The following SANBR variants were observed in gnomAD, a reference collection of about 807,000 sequenced individuals.
The protein encoded by SANBR is SANT and BTB domain regulator of CSR.
In SANBR, 77 loss-of-function variants were observed where a neutral mutation model predicts 101.8. That is an observed-to-expected ratio of 0.76 (90% CI 0.63 to 0.91). The LOEUF (loss-of-function observed/expected upper bound fraction) is 0.91, where lower values mean the gene tolerates loss of function less well. Among genes scored for constraint, SANBR ranks in the 40% least tolerant of loss-of-function variants. The probability of loss-of-function intolerance (pLI) is 0.00; values close to 1 mark genes in which losing one functional copy is unlikely to be tolerated. For missense variants in SANBR, 875 were observed against 853.0 expected (o/e 1.03, Z -0.32); for synonymous variants, 279 against 274.7 (o/e 1.02, Z -0.15).
chr2:61,097,590 TC>T, intron 11 of SANBR, 109 bp from the exon 12 acceptor site: 1 of 851,402 alleles, frequency 1.2e-6, no homozygotes, highest in Admixed American at 2.6e-5. Flanking sequence ...ATTGGCTTTT[TC>T]TGCATATTTC....
chr2:61,088,866 C>T, intron 10 of SANBR: 1 of 962,238 alleles, frequency 1.0e-6, no homozygotes, highest in Non-Finnish European at 1.2e-6. Flanking sequence ...AAAAATATAA[C>T]TACTTTTATA....
At chr2:61,107,296 G>A (rs541157328) in intron 14 of SANBR, among the ~76,000 whole-genome samples, 13 of 151,748 alleles carry the variant, frequency 8.6e-5, no homozygotes, top group Non-Finnish European at 1.6e-4. Flanking sequence ...AACTTTTTTT[G>A]GCATAAAATT....
intron 10 of SANBR, 45 bp downstream of exon 10, chr2:61,088,513 A>G: frequency 8.5e-7 from 1 of 1,172,258 alleles, no homozygotes; most frequent in Non-Finnish European, 1.2e-6. Context: ...GTATATATAT[A>G]TATATAGTTG....
intron 12 of SANBR, among the ~76,000 whole-genome samples, chr2:61,100,381 G>A (rs1573633777): frequency 6.6e-6 from 1 of 152,160 alleles, no homozygotes; most frequent in Non-Finnish European, 1.5e-5. Context: ...CTGGAATACA[G>A]GTGTGAGCCA....
intron 12 of SANBR, among the ~76,000 whole-genome samples, chr2:61,100,324 C>G (rs575016465): frequency 6.6e-6 from 1 of 152,106 alleles, no homozygotes; most frequent in Non-Finnish European, 1.5e-5. Flanking sequence ...AGGCTGGTCT[C>G]GAACTCCTGA....
chr2:61,097,140 C>T (rs541050778), intron 11 of SANBR, among the ~76,000 whole-genome samples: 60 of 152,102 alleles, frequency 3.9e-4, no homozygotes, highest in Middle Eastern at 3.4e-3. Context: ...GGCAACAGAG[C>T]GAGATTCCAT....
intron 12 of SANBR, 90 bp downstream of exon 12, chr2:61,097,942 A>T (rs1683107494): frequency 2.9e-6 from 3 of 1,049,192 alleles, no homozygotes; most frequent in Non-Finnish European, 2.7e-6. Context: ...CAATACATAA[A>T]TATAGTAAGA....
chr2:61,135,943 G>C (rs903845012), intron 21 of SANBR, among the ~76,000 whole-genome samples: 2 of 152,186 alleles, frequency 1.3e-5, no homozygotes. Flanking sequence ...TAATAACACA[G>C]GTTCTCTAAG....
chr2:61,122,165 T>G lies in SANBR; in HGVS notation c.*3T>G. ...TTGGTCAAGGGCGTCCTGCATAAAG[T>G]ACCTTAAAATATAAGTAAAAAGAGA... On this transcript the variant is annotated 3_prime_UTR_variant, in exon 22 of 22. Coordinates refer to ENST00000402291, the MANE Select transcript of SANBR (RefSeq NM_001129993.3). 2 of 1,549,434 alleles carry G rather than the reference T, an allele frequency of 1.3e-6. No individual in the cohort carries two copies. The highest frequency in any genetic ancestry group is 8.7e-7 in the Non-Finnish European group (1 of 1,145,574).
chr2:61,098,378 A>G (rs529631143), intron 12 of SANBR, among the ~76,000 whole-genome samples: 1 of 152,312 alleles, frequency 6.6e-6, no homozygotes, highest in East Asian at 1.9e-4. Flanking sequence ...TGCCGGGATT[A>G]CAGGTGTGAG....
At chr2:61,094,603 G>A (rs946592789) in intron 11 of SANBR, among the ~76,000 whole-genome samples, 9 of 148,870 alleles carry the variant, frequency 6.0e-5, no homozygotes, top group Non-Finnish European at 1.3e-4. Context: ...TGTGAACATA[G>A]GTTTTTATTT....
At chr2:61,103,768 C>A in intron 12 of SANBR, 85 bp from the exon 13 acceptor site, 2 of 1,262,612 alleles carry the variant, frequency 1.6e-6, no homozygotes, top group Non-Finnish European at 2.2e-6. Flanking sequence ...GACAATATGA[C>A]TTGGCAAAGA....
chr2:61,129,648 G>A (rs1684625447), intron 20 of SANBR, among the ~76,000 whole-genome samples: 1 of 152,054 alleles, frequency 6.6e-6, no homozygotes, highest in Admixed American at 6.6e-5. Context: ...CAAAGGAGGT[G>A]GATGGGAGCA....
At chr2:61,082,705 G>A (rs1260336408) in intron 7 of SANBR, among the ~76,000 whole-genome samples, 1 of 152,144 alleles carries the variant, frequency 6.6e-6, no homozygotes, top group East Asian at 1.9e-4. Flanking sequence ...TGTAGGCCCA[G>A]CTACTAGGGA....
chr2:61,133,729 G>C (rs1342001952), intron 20 of SANBR, among the ~76,000 whole-genome samples: 2 of 152,172 alleles, frequency 1.3e-5, no homozygotes, highest in African/African-American at 4.8e-5. Context: ...TGTCCAGAAT[G>C]GTCAAATATA....
At chr2:61,109,666 G>GT (rs1321967927) in intron 16 of SANBR, among the ~76,000 whole-genome samples, 4 of 120,766 alleles carry the variant, frequency 3.3e-5, no homozygotes, top group East Asian at 2.5e-4. Context: ...TGGAAAGCAT[G>GT]TTTTTTTTGT....
At chr2:61,080,145 C>A (rs1250268781) in intron 6 of SANBR, among the ~76,000 whole-genome samples, 1 of 129,378 alleles carries the variant, frequency 7.7e-6, no homozygotes, top group African/African-American at 3.0e-5. Context: ...TGCAGTGAGC[C>A]AAGATCATGC....
At position 61,123,146 on chromosome 2, in the gene SANBR, C is replaced by T; in HGVS notation, c.*984C>T. 4.1e-6 allele frequency: 4 copies of T among 980,570 alleles called. No individual in the cohort carries two copies. Among genetic ancestry groups the T allele is most frequent in the Non-Finnish European group, 4.8e-6 (4 of 825,454 alleles). 60.7% of individuals were successfully genotyped at this position (980,570 alleles called of 1,614,324 possible). On this transcript the variant is annotated 3_prime_UTR_variant, in exon 22 of 22. Transcript: ENST00000402291. ...TTTCTAGCCAGGCAGAAAGAGTGCT[C>T]AGGGAAAATTTGTTCCAAACTATAA...
intron 11 of SANBR, among the ~76,000 whole-genome samples, chr2:61,097,392 A>G (rs1433632911): frequency 6.6e-6 from 1 of 152,110 alleles, no homozygotes; most frequent in Non-Finnish European, 1.5e-5. Context: ...GGTTGTGTTC[A>G]GGATTTACTC....
Sources: allele counts gnomAD v4.1 joint callset (sites outside exome capture counted in the v4.1 genomes callset), GRCh38; gene constraint gnomAD v4.1.1; transcripts MANE v1.5; gene names NCBI Gene and HGNC (gene_info 2026-07-23, HGNC 2026-07-21).